The following AXIN2 variants were observed in gnomAD, a reference collection of about 807,000 sequenced individuals.
AXIN2 encodes axin-2.
A neutral mutation model predicts 74.7 loss-of-function variants in AXIN2; 21 were observed. The observed-to-expected ratio is 0.28, with a 90% CI of 0.20 to 0.40. The LOEUF (loss-of-function observed/expected upper bound fraction) is 0.40, where lower values mean the gene tolerates loss of function less well. AXIN2 is among the 10% of genes least tolerant of loss of function. The pLI, the probability that AXIN2 is intolerant of heterozygous loss-of-function variation, is 1.00. For synonymous variants in AXIN2, 532 were observed against 454.9 expected, an observed-to-expected ratio of 1.17 and a Z score of -2.16; for missense variants, 1,144 against 1,111.1, an observed-to-expected ratio of 1.03 and a Z score of -0.42.
chr17:65,546,056 C>T (rs924187668), intron 3 of AXIN2, among the ~76,000 whole-genome samples: 1 of 150,138 alleles, frequency 6.7e-6, no homozygotes, highest in African/African-American at 2.5e-5. Flanking sequence ...CTCTCCCCCC[C>T]TCCCCAGCCC....
Position 65,530,019 on chromosome 17 carries a change from A to G in AXIN2, c.2489T>C (p.Met830Thr), listed in dbSNP as rs878854727. ...EIWEDETVLP[M>T]YEGRILGKVE... Reference sequence around the variant, plus strand: ...TTTGCCCAGAATCCGGCCTTCATACATCGGGAGCACCGTCTCATCCTCCCA... The same window carrying G: ...TTTGCCCAGAATCCGGCCTTCATACGTCGGGAGCACCGTCTCATCCTCCCA... Residue 830 changes from methionine (M) to threonine (T), a missense_variant, in exon 11 of 11, where the codon ATG (methionine) becomes ACG (threonine). By Grantham distance (81) the Met-to-Thr change is moderately conservative (BLOSUM62 -1). This residue lies in a region of AXIN2 where 65 missense variants were observed against 95.7 expected (regional missense o/e 0.68). Transcript: ENST00000307078. The G allele has an allele frequency of 5.0e-6, 8 of 1,614,174 alleles. No individual in the cohort carries two copies. The highest frequency in any genetic ancestry group is 1.3e-5 in the African/African-American group (1 of 75,034).
chr17:65,533,823 GTCTGCTCAGCCA>G, intron 10 of AXIN2, 77 bp downstream of exon 10: 1 of 1,347,502 alleles, frequency 7.4e-7, no homozygotes, highest in Non-Finnish European at 1.0e-6. Flanking sequence ...CCCCACCTAG[GTCTGCTCAGCCA>G]GGGGAGCTGC....
chr17:65,541,210 T>C (rs899635208), intron 4 of AXIN2, among the ~76,000 whole-genome samples: 14 of 152,168 alleles, frequency 9.2e-5, no homozygotes, highest in Admixed American at 7.2e-4. Flanking sequence ...TTACTCAACC[T>C]CAGGTATTCC....
intron 3 of AXIN2, among the ~76,000 whole-genome samples, chr17:65,545,086 C>A (rs745362164): frequency 6.6e-5 from 10 of 152,150 alleles, no homozygotes; most frequent in Non-Finnish European, 1.0e-4. Flanking sequence ...GTGTGAAACA[C>A]CAAAAAATCA....
At chr17:65,535,779 G>T in intron 8 of AXIN2, 58 bp from the exon 9 acceptor site, 1 of 1,499,346 alleles carries the variant, frequency 6.7e-7, no homozygotes, top group Non-Finnish European at 9.3e-7. Context: ...CAGAGCAATT[G>T]AAAAGCAGAC....
rs749576519 is a variant in AXIN2 at position 65,537,462 on chromosome 17, G to C, written c.1574C>G (p.Pro525Arg). 3 of 1,613,928 alleles carry C rather than the reference G, an allele frequency of 1.9e-6. No homozygotes were observed. The highest frequency in any genetic ancestry group is 2.5e-6 in the Non-Finnish European group (3 of 1,180,006). ...CGCCTCGATCTCCTCCTTGGTCTTG[G>C]GGACGGCATGGTGGTGGATGTAGTG... ...HHHYIHHHAV[P>R]KTKEEIEAEA... is the part of the protein sequence containing the mutation. Residue 525 changes from proline to arginine, a missense_variant, in exon 6 of 11, where the codon CCC becomes CGC. Pro to Arg is a moderately radical substitution (Grantham distance 103). This residue lies in a region of AXIN2 where 1,053 missense variants were observed against 973.5 expected (regional missense o/e 1.08). Transcript: ENST00000307078.
At chr17:65,536,656 A>G in intron 7 of AXIN2, 103 bp from the exon 8 acceptor site, 3 of 1,436,784 alleles carry the variant, frequency 2.1e-6, no homozygotes, top group African/African-American at 2.8e-5. Context: ...GCTCAGAGAG[A>G]GAGTTAAAAA....
intron 4 of AXIN2, among the ~76,000 whole-genome samples, chr17:65,538,705 A>G (rs1371770297): frequency 5.3e-5 from 7 of 132,100 alleles, no homozygotes; most frequent in Admixed American, 2.4e-4. Context: ...AAAAAAAAAA[A>G]GGCAGCCCTC....
intron 2 of AXIN2, among the ~76,000 whole-genome samples, chr17:65,553,470 GA>G (rs1207896707): frequency 6.6e-6 from 1 of 152,048 alleles, no homozygotes; most frequent in Non-Finnish European, 1.5e-5. Flanking sequence ...TCTGTGGGGA[GA>G]AAATGACTCA....
Position 65,536,974 on chromosome 17 carries a change from C to A in AXIN2, c.1802G>T (p.Gly601Val), listed in dbSNP as rs764140840. ...ALPAREGGAP[G>V]GAGALQLPRE... ...GGGAAGCTGCAGGGCCCCAGCTCCGCCGGGGGCCCCTCCTTCCCTGGCGGG... is the reference window on the plus strand; with the variant it reads ...GGGAAGCTGCAGGGCCCCAGCTCCGACGGGGGCCCCTCCTTCCCTGGCGGG... Residue 601 changes from glycine to valine, a missense_variant, in exon 7 of 11, where the codon GGC becomes GTC. Gly to Val is a moderately radical substitution (Grantham distance 109). Transcript: ENST00000307078. 1 of 1,613,042 alleles carries A rather than the reference C, an allele frequency of 6.2e-7. No individual in the cohort carries two copies. Among genetic ancestry groups the A allele is most frequent in the Non-Finnish European group, 8.5e-7 (1 of 1,179,890 alleles).
chr17:65,546,927 T>G (rs1172791255), intron 3 of AXIN2, among the ~76,000 whole-genome samples: 4 of 152,164 alleles, frequency 2.6e-5, no homozygotes, highest in Admixed American at 2.6e-4. Context: ...AGAAAGCCGC[T>G]ACATGAGGGA....
intron 1 of AXIN2, 60 bp from the exon 2 acceptor site, chr17:65,558,796 A>C (rs1365745055): frequency 4.6e-6 from 3 of 656,014 alleles, no homozygotes; most frequent in Admixed American, 5.0e-5. Context: ...TCTAATCAAA[A>C]CCAGATCTAC....
chr17:65,541,178 G>A (rs555863391), intron 4 of AXIN2, among the ~76,000 whole-genome samples: 3 of 152,196 alleles, frequency 2.0e-5, no homozygotes, highest in South Asian at 4.1e-4. Context: ...GTGCCCAGCC[G>A]TAAACCTCTT....
chr17:65,557,139 G>A (rs368116511), intron 2 of AXIN2, among the ~76,000 whole-genome samples: 17 of 152,054 alleles, frequency 1.1e-4, no homozygotes, highest in Non-Finnish European at 2.4e-4. Context: ...TCTGACCCTC[G>A]GACTCATGAG....
rs748495558 is a variant in AXIN2 at position 65,558,517 on chromosome 17, G to A, written c.104C>T (p.Pro35Leu). 6.2e-7 allele frequency: 1 copy of A among 1,613,738 alleles called. No individual in the cohort carries two copies. The highest frequency in any genetic ancestry group is 1.1e-5 in the South Asian group (1 of 91,066). ...GCCCTTGCCCACCCCTGGCTGACAC[G>A]GTGGGGTCTCCCCTTCTTCCCCTGG... ...PVPGEEGETPPCQPGVGKGQV... is the reference protein window; with the variant it reads ...PVPGEEGETPLCQPGVGKGQV... Residue 35 changes from proline to leucine, a missense_variant, in exon 2 of 11, where the codon CCG becomes CTG. Coordinates refer to ENST00000307078, the MANE Select transcript of AXIN2 (RefSeq NM_004655.4).
At chr17:65,547,377 G>A (rs1404127641) in intron 3 of AXIN2, among the ~76,000 whole-genome samples, 2 of 152,212 alleles carry the variant, frequency 1.3e-5, no homozygotes, top group Non-Finnish European at 2.9e-5. Flanking sequence ...CAAAGTACAG[G>A]GCCTGTGTCT....
chr17:65,537,146 G>C (rs2043939476), intron 6 of AXIN2, 83 bp from the exon 7 acceptor site: 7 of 1,559,298 alleles, frequency 4.5e-6, no homozygotes, highest in Non-Finnish European at 5.2e-6. Context: ...TCAGCAAGTC[G>C]GGGGGCTGGT....
intron 3 of AXIN2, among the ~76,000 whole-genome samples, chr17:65,545,413 G>A (rs187530266): frequency 3.3e-5 from 5 of 152,294 alleles, no homozygotes; most frequent in Admixed American, 6.5e-5. Flanking sequence ...TTTTTGGCAG[G>A]TTGTGGTGGC....
At chr17:65,543,440 A>G (rs2044071602) in intron 3 of AXIN2, among the ~76,000 whole-genome samples, 1 of 152,210 alleles carries the variant, frequency 6.6e-6, no homozygotes, top group Non-Finnish European at 1.5e-5. Context: ...AATCGCACCC[A>G]AGGCAACTGA....
Sources: gnomAD v4.1 joint callset for allele counts (sites outside exome capture counted in the v4.1 genomes callset) on GRCh38, gnomAD v4.1.1 for gene constraint, gnomAD v4.1.1 regional missense constraint, MANE v1.5 for transcripts, NCBI Gene and HGNC (gene_info 2026-07-23, HGNC 2026-07-21) for gene names.